The following TRIP12 variants were observed in gnomAD, a reference collection of about 807,000 sequenced individuals.
The protein encoded by TRIP12 is E3 ubiquitin-protein ligase TRIP12.
Under a neutral mutation model 244.2 loss-of-function variants are expected in TRIP12, and 25 were observed. That is an observed-to-expected ratio of 0.10 (90% CI 0.07 to 0.14). The LOEUF (loss-of-function observed/expected upper bound fraction) is 0.14. Among genes scored for constraint, TRIP12 ranks in the 10% least tolerant of loss-of-function variants. The pLI is 1.00. For synonymous variants in TRIP12, 905 were observed against 873.1 expected (o/e 1.04, Z -0.64); for missense variants, 1,677 against 2,486.4 (o/e 0.67, Z 6.92).
Position 229,787,212 on chromosome 2 carries a change from T to TCTTGTC in TRIP12, c.4995+292_4995+293insGACAAG, listed in dbSNP as rs1352483481. ...AACTCCTAATTTAGAATGAAAAAAG[T>TCTTGTC]TTCAGTGAGAGAAGACAAGATTCTT... On this transcript the variant is annotated intron_variant, in intron 33 of 41. Transcript: ENST00000675903. Among the ~76,000 whole-genome samples, 19 of 152,226 alleles carry TCTTGTC rather than the reference T, an allele frequency of 1.2e-4. No homozygotes were observed. In the East Asian group the frequency reaches 3.3e-3, roughly 26 times the overall value.
intron 1 of TRIP12, among the ~76,000 whole-genome samples, chr2:229,887,894 T>A (rs1212731282): frequency 6.6e-6 from 1 of 152,194 alleles, no homozygotes; most frequent in East Asian, 1.9e-4. Flanking sequence ...TAGATTTAAG[T>A]CTGGAGAAAT....
At chr2:229,855,816 C>T (rs1219491333) in intron 4 of TRIP12, among the ~76,000 whole-genome samples, 1 of 151,832 alleles carries the variant, frequency 6.6e-6, no homozygotes, top group Non-Finnish European at 1.5e-5. Context: ...CTGAGGCGGG[C>T]AGATCACCTG....
In TRIP12 at chr2:229,790,979, A is replaced by G. The variant is rs556783999; in HGVS notation, c.4543+145T>C. Reference sequence around the variant, plus strand: ...TCTAGATATTAAAGTTGAGGATTAAATGTGATCAAACTGTTTGTAATGTCA... The same window carrying G: ...TCTAGATATTAAAGTTGAGGATTAAGTGTGATCAAACTGTTTGTAATGTCA... On this transcript the variant is annotated intron_variant, in intron 30 of 41. Coordinates refer to ENST00000675903, the MANE Select transcript of TRIP12 (RefSeq NM_001348323.3). 10 of 1,034,842 alleles carry G rather than the reference A, an allele frequency of 9.7e-6. No homozygotes were observed. The East Asian group carries it at 2.3e-4, about 24-fold the overall frequency. 64.1% of individuals were successfully genotyped at this position (1,034,842 alleles called of 1,614,324 possible).
chr2:229,922,436 A>G, upstream of TRIP12: 1 of 1,372,060 alleles, frequency 7.3e-7, no homozygotes, highest in Non-Finnish European at 1.0e-6. Flanking sequence ...TTCAATTTAA[A>G]CTAGGGTTTT....
At chr2:229,895,839 C>T (rs189134860) in intron 1 of TRIP12, among the ~76,000 whole-genome samples, 23 of 152,116 alleles carry the variant, frequency 1.5e-4, no homozygotes, top group Admixed American at 1.4e-3. Context: ...ACATCTAAAC[C>T]CAGACATGTC....
intron 4 of TRIP12, among the ~76,000 whole-genome samples, chr2:229,858,194 T>C (rs571010817): frequency 6.6e-6 from 1 of 152,086 alleles, no homozygotes; most frequent in South Asian, 2.1e-4. Context: ...TGAAACCCCA[T>C]CTCTACTAAA....
Position 229,784,219 on chromosome 2 carries a change from GA to G in TRIP12, c.5094+1537del, listed in dbSNP as rs957010724. Among the ~76,000 whole-genome samples, 6 of 149,680 alleles carry G rather than the reference GA, an allele frequency of 4.0e-5. No homozygotes were observed. In the East Asian group the frequency reaches 9.7e-4, roughly 24 times the overall value. ...ATCAACACAGTATAGAATAATAACA[GA>G]AAAAAAATCTAGAAAGAGATCCAGA... On this transcript the variant is annotated intron_variant, in intron 34 of 41. Transcript: ENST00000675903.
intron 6 of TRIP12, 59 bp downstream of exon 6, chr2:229,836,789 T>G: frequency 6.5e-7 from 1 of 1,543,484 alleles, no homozygotes; most frequent in Non-Finnish European, 8.7e-7. Context: ...TCCCTCCCTC[T>G]GCCCATCAAA....
At chr2:229,890,380 G>A (rs1241219269) in intron 1 of TRIP12, among the ~76,000 whole-genome samples, 1 of 152,034 alleles carries the variant, frequency 6.6e-6, no homozygotes, top group Admixed American at 6.5e-5. Context: ...GATTACAGGT[G>A]TGAGCCACCA....
chr2:229,788,790 T>C lies in TRIP12; in HGVS notation c.4838+8A>G. On this transcript the variant is annotated splice_region_variant and intron_variant, in intron 32 of 41. Transcript: ENST00000675903. ...CCAAGGCCACCATTACAGAAGTGAT[T>C]GTCTTACCAGGTTTTTCCTAGCTCA... 2 of 1,610,896 alleles carry C rather than the reference T, an allele frequency of 1.2e-6. No individual in the cohort carries two copies. The highest frequency in any genetic ancestry group is 1.7e-6 in the Non-Finnish European group (2 of 1,179,192).
rs187673259 is a variant in TRIP12 at position 229,805,198 on chromosome 2, C to G, written c.2650+532G>C. 4.4e-3 allele frequency among the ~76,000 whole-genome samples: 513 copies of G among 115,324 alleles called. 5 individuals carry two copies. Among genetic ancestry groups the G allele is most frequent in the Non-Finnish European group, 7.0e-3 (349 of 49,640 alleles). 75.7% of individuals were successfully genotyped at this position (115,324 alleles called of 152,430 possible). ...GGGATTACAGGCGTGAGACACCATG[C>G]CCAGCACTACCTGGCCCTTTTCAAA... On this transcript the variant is annotated intron_variant, in intron 18 of 41. Coordinates refer to ENST00000675903, the MANE Select transcript of TRIP12 (RefSeq NM_001348323.3).
At chr2:229,877,007 T>G (rs2063720733) in intron 2 of TRIP12, among the ~76,000 whole-genome samples, 1 of 152,000 alleles carries the variant, frequency 6.6e-6, no homozygotes, top group South Asian at 2.1e-4. Flanking sequence ...TACTCATTTT[T>G]TTAAAATACA....
chr2:229,902,385 C>G (rs918973779), intron 1 of TRIP12, among the ~76,000 whole-genome samples: 9 of 151,512 alleles, frequency 5.9e-5, no homozygotes, highest in Non-Finnish European at 1.3e-4. Context: ...GTCCTCCCCC[C>G]ACCAAAAAAA....
chr2:229,860,628 C>A, intron 2 of TRIP12, 97 bp from the exon 3 acceptor site: 3 of 1,155,914 alleles, frequency 2.6e-6, no homozygotes, highest in Non-Finnish European at 3.4e-6. Context: ...TAAAGCTTCC[C>A]ACAATTCATT....
At chr2:229,815,853 G>A (rs2048371300) in intron 9 of TRIP12, among the ~76,000 whole-genome samples, 1 of 152,068 alleles carries the variant, frequency 6.6e-6, no homozygotes, top group Admixed American at 6.6e-5. Context: ...AACTAATTAT[G>A]CACTAATTAA....
intron 5 of TRIP12, among the ~76,000 whole-genome samples, chr2:229,839,114 T>G (rs921940035): frequency 1.3e-5 from 2 of 152,234 alleles, no homozygotes; most frequent in Non-Finnish European, 2.9e-5. Flanking sequence ...ACCGTGGTCC[T>G]GCAAGATTAT....
chr2:229,859,640 C>A, intron 3 of TRIP12, 66 bp from the exon 4 acceptor site: 1 of 1,492,544 alleles, frequency 6.7e-7, no homozygotes, highest in Non-Finnish European at 9.0e-7. Flanking sequence ...ATATATAATG[C>A]TTTCAAAAAA....
chr2:229,804,823 A>G (rs752728172), intron 18 of TRIP12, among the ~76,000 whole-genome samples: 2 of 152,236 alleles, frequency 1.3e-5, no homozygotes, highest in Non-Finnish European at 1.5e-5. Flanking sequence ...ATTGAGGGCT[A>G]CAATGGCAAT....
chr2:229,767,632 G>A lies in TRIP12; in HGVS notation c.6126C>T (p.Asp2042=). ...MTCVNYLKLP[D]YSSIEIMREK... Reference sequence around the variant, plus strand: ...CACGCATTATCTCAATGCTTGAATAGTCCGGCAACTTAAGATAGTTCACAC... The same window carrying A: ...CACGCATTATCTCAATGCTTGAATAATCCGGCAACTTAAGATAGTTCACAC... The change falls in exon 42 of 42, where the codon GAC becomes GAT. Residue 2042 remains aspartate (D), a synonymous_variant. Coordinates refer to ENST00000675903, the MANE Select transcript of TRIP12 (RefSeq NM_001348323.3). The A allele has an allele frequency of 6.2e-7, 1 of 1,614,168 alleles. No homozygotes were observed. Among genetic ancestry groups the A allele is most frequent in the Non-Finnish European group, 8.5e-7 (1 of 1,180,022 alleles).
Sources: allele counts gnomAD v4.1 joint callset (sites outside exome capture counted in the v4.1 genomes callset), GRCh38; gene constraint gnomAD v4.1.1; transcripts MANE v1.5; gene names NCBI Gene and HGNC (gene_info 2026-07-23, HGNC 2026-07-21).